The following PMFBP1 variants were observed in gnomAD, a reference collection of about 807,000 sequenced individuals.
PMFBP1 encodes the protein polyamine modulated factor 1 binding protein 1.
A neutral mutation model predicts 137.8 loss-of-function variants in PMFBP1; 131 were observed. The observed-to-expected ratio is 0.95, with a 90% confidence interval of 0.82 to 1.10. PMFBP1 has a LOEUF of 1.10. Among genes scored for constraint, PMFBP1 ranks in the 50% least tolerant of loss-of-function variants. The pLI is 0.00. For missense variants in PMFBP1, 1,199 were observed against 1,175.4 expected (o/e 1.02, Z -0.29); for synonymous variants, 490 against 450.4 (o/e 1.09, Z -1.11).
At chr16:72,139,250 C>A in intron 7 of PMFBP1, 39 bp downstream of exon 7, 2 of 1,462,190 alleles carry the variant, frequency 1.4e-6, no homozygotes, top group Non-Finnish European at 9.6e-7. Context: ...CCCAGCTCAG[C>A]CCGATCCCAG....
At chr16:72,226,146 C>T in the PMFBP1 span, among the ~76,000 whole-genome samples, 12 of 152,112 alleles carry the variant, frequency 7.9e-5, no homozygotes, top group Non-Finnish European at 1.5e-4. Flanking sequence ...CATATTTGTA[C>T]GCTTTGTTAT....
Position 72,130,684 on chromosome 16 carries a change from C to T in PMFBP1, c.1486G>A (p.Ala496Thr), listed in dbSNP as rs199875110. The T allele has an allele frequency of 1.2e-4, 199 of 1,613,558 alleles. No individual in the cohort carries two copies. In the East Asian group the frequency reaches 4.4e-3, roughly 35 times the overall value. ...TGGGTGTCCTCCAGGTGACAGCCTGCCAGTGCAGCCTCTTCTTTGCACTGG... is the reference window on the plus strand; with the variant it reads ...TGGGTGTCCTCCAGGTGACAGCCTGTCAGTGCAGCCTCTTCTTTGCACTGG... ...AAQCKEEAAL[A>T]GCHLEDTQRK... The change falls in exon 11 of 21, where the codon GCA (alanine) becomes ACA (threonine). Residue 496 changes from alanine to threonine, a missense_variant. Ala to Thr is a moderately conservative substitution (Grantham distance 58, BLOSUM62 0). Coordinates refer to ENST00000237353, the MANE Select transcript of PMFBP1 (RefSeq NM_031293.3).
the PMFBP1 span, among the ~76,000 whole-genome samples, chr16:72,183,539 A>G: frequency 4.6e-5 from 7 of 152,148 alleles, no homozygotes; most frequent in African/African-American, 1.7e-4. Flanking sequence ...CCCTTTTATA[A>G]GGACACCAGT....
intron 15 of PMFBP1, among the ~76,000 whole-genome samples, chr16:72,125,756 T>G (rs925251423): frequency 3.3e-5 from 5 of 152,192 alleles, no homozygotes; most frequent in Non-Finnish European, 7.3e-5. Flanking sequence ...GATTTGGTTT[T>G]GATCTTTGTC....
the PMFBP1 span, among the ~76,000 whole-genome samples, chr16:72,204,513 T>G: frequency 6.6e-6 from 1 of 152,074 alleles, no homozygotes; most frequent in Non-Finnish European, 1.5e-5. Flanking sequence ...ATTGTGCACA[T>G]TTATCCCCTG....
At chr16:72,231,994 T>C in the PMFBP1 span, among the ~76,000 whole-genome samples, 4 of 143,994 alleles carry the variant, frequency 2.8e-5, no homozygotes, top group African/African-American at 1.0e-4. Context: ...AGAACTTCAA[T>C]CTCTGGTCAC....
chr16:72,203,397 C>T, the PMFBP1 span, among the ~76,000 whole-genome samples: 5 of 152,194 alleles, frequency 3.3e-5, no homozygotes, highest in Non-Finnish European at 7.3e-5. Flanking sequence ...ATGTTCCTTC[C>T]TATACTTTGG....
upstream of PMFBP1, among the ~76,000 whole-genome samples, chr16:72,173,207 G>T (rs2043237072): frequency 2.0e-5 from 3 of 152,170 alleles, no homozygotes; most frequent in African/African-American, 7.2e-5. Context: ...TAGCTTTAAA[G>T]TTCACTGATT....
chr16:72,225,851 G>A, the PMFBP1 span, among the ~76,000 whole-genome samples: 1 of 150,888 alleles, frequency 6.6e-6, no homozygotes, highest in African/African-American at 2.4e-5. Flanking sequence ...ATCAATCTAG[G>A]TCACAGATGA....
At chr16:72,239,915 A>AG in the PMFBP1 span, among the ~76,000 whole-genome samples, 5 of 145,144 alleles carry the variant, frequency 3.4e-5, no homozygotes, top group Admixed American at 6.8e-5. Flanking sequence ...AAAAAAAAAA[A>AG]AAGAATGTTC....
chr16:72,135,809 G>A (rs1299355403), intron 9 of PMFBP1, among the ~76,000 whole-genome samples: 1 of 122,704 alleles, frequency 8.1e-6, no homozygotes, highest in Non-Finnish European at 1.6e-5. Context: ...TGCATGGCAT[G>A]ATCACGACTC....
At chr16:72,243,157 T>C in the PMFBP1 span, among the ~76,000 whole-genome samples, 1 of 152,236 alleles carries the variant, frequency 6.6e-6, no homozygotes, top group Admixed American at 6.5e-5. Flanking sequence ...AGGCTTTGAA[T>C]TGTGTACTTA....
chr16:72,185,438 G>C, the PMFBP1 span, among the ~76,000 whole-genome samples: 4 of 152,084 alleles, frequency 2.6e-5, no homozygotes, highest in African/African-American at 7.2e-5. Context: ...CATTCTGCTT[G>C]TGCTACGGCT....
At chr16:72,169,480 T>C (rs1240968788) in intron 2 of PMFBP1, among the ~76,000 whole-genome samples, 1 of 152,226 alleles carries the variant, frequency 6.6e-6, no homozygotes, top group Non-Finnish European at 1.5e-5. Flanking sequence ...AGGTTTTGCC[T>C]GTGAACAAAA....
Position 72,150,782 on chromosome 16 carries a change from C to T in PMFBP1, c.462G>A (p.Gly154=), listed in dbSNP as rs1364933786. ...EEMGNHNENT[G]EKLHLAQEQL... is the part of the protein sequence containing the mutation. ...GCTCCTGCGCCAAATGGAGCTTCTC[C>T]CCTGTGTTCTCGTTGTGATTTCCCA... is the stretch of plus-strand genomic sequence containing the variant. Residue 154 remains glycine (G), a synonymous_variant, in exon 5 of 21, where the codon GGG becomes GGA. Transcript: ENST00000237353. 1.2e-6 allele frequency: 2 copies of T among 1,614,134 alleles called. No individual in the cohort carries two copies. The highest frequency in any genetic ancestry group is 2.2e-5 in the East Asian group (1 of 44,878).
chr16:72,164,490 T>A, intron 3 of PMFBP1: 1 of 1,425,760 alleles, frequency 7.0e-7, no homozygotes, highest in Non-Finnish European at 9.3e-7. Context: ...CAATGAGCTG[T>A]AAATACAGGT....
intron 5 of PMFBP1, among the ~76,000 whole-genome samples, chr16:72,147,162 GT>G (rs2042821229): frequency 6.6e-6 from 1 of 152,144 alleles, no homozygotes; most frequent in African/African-American, 2.4e-5. Context: ...CATGGTACTG[GT>G]ACCAAAACAG....
intron 5 of PMFBP1, among the ~76,000 whole-genome samples, chr16:72,149,551 G>A (rs980748357): frequency 1.3e-5 from 2 of 152,266 alleles, no homozygotes; most frequent in African/African-American, 4.8e-5. Flanking sequence ...GGCTGGGCAC[G>A]GTGGCTCACG....
chr16:72,159,797 CTTTTTT>C (rs34162927), intron 3 of PMFBP1, among the ~76,000 whole-genome samples: 2 of 147,554 alleles, frequency 1.4e-5, no homozygotes, highest in African/African-American at 5.0e-5. Flanking sequence ...GCTTCTTTGT[CTTTTTT>C]TTTTTTTTAA....
Sources: allele counts gnomAD v4.1 joint callset (sites outside exome capture counted in the v4.1 genomes callset), GRCh38; gene constraint gnomAD v4.1.1; transcripts MANE v1.5; gene names NCBI Gene and HGNC (gene_info 2026-07-23, HGNC 2026-07-21).